The following TATDN2 variants were observed in gnomAD, a reference collection of about 807,000 sequenced individuals.
TATDN2 encodes the protein 3'-5' RNA nuclease TATDN2.
TATDN2 carries 44 observed loss-of-function variants against 60.3 expected under a neutral mutation model. The observed-to-expected ratio is 0.73, with a 90% CI of 0.57 to 0.94. TATDN2 has a LOEUF of 0.94. TATDN2 is among the 40% of genes least tolerant of loss of function. The pLI, the probability that TATDN2 is intolerant of heterozygous loss-of-function variation, is 0.00. For missense variants in TATDN2, 997 were observed against 948.0 expected, an observed-to-expected ratio of 1.05 and a Z score of -0.68; for synonymous variants, 399 against 355.8, an observed-to-expected ratio of 1.12 and a Z score of -1.37.
chr3:10,279,180 C>T (rs1396369613), intron 7 of TATDN2, 41 bp from the exon 8 acceptor site: 3 of 1,095,416 alleles, frequency 2.7e-6, no homozygotes, highest in Non-Finnish European at 2.5e-6. Flanking sequence ...TTTTGAGTGA[C>T]ATGGTTTGGA....
rs550460214 is a variant in TATDN2, at chr3:10,265,622, C to T, written c.949-4509C>T. ...GCGTGAACCTGAGAGGTGGAGCTTG[C>T]AGTGAGCTGAGATTGCACCACTGCA... On this transcript the variant is annotated intron_variant, in intron 3 of 7. Transcript: ENST00000448281. Among the ~76,000 whole-genome samples the T allele has an allele frequency of 1.4e-4, 19 of 138,724 alleles. No individual in the cohort carries two copies. In the East Asian group the frequency reaches 4.1e-3, roughly 30 times the overall value. 91.0% of individuals were successfully genotyped at this position (138,724 alleles called of 152,430 possible).
chr3:10,274,505 C>CT (rs1323984042), intron 4 of TATDN2, among the ~76,000 whole-genome samples: 1 of 152,130 alleles, frequency 6.6e-6, no homozygotes. Context: ...TATCCTAAAG[C>CT]TCTAATAGTT....
chr3:10,279,118 A>C (rs981978011), intron 7 of TATDN2, 55 bp downstream of exon 7: 23 of 1,482,646 alleles, frequency 1.6e-5, no homozygotes, highest in African/African-American at 2.8e-5. Context: ...CTTTTGTTGC[A>C]TTTTGTTAAT....
intron 4 of TATDN2, among the ~76,000 whole-genome samples, chr3:10,274,948 A>G (rs1698613228): frequency 6.6e-6 from 1 of 152,032 alleles, no homozygotes; most frequent in Admixed American, 6.6e-5. Context: ...GAAACTACTC[A>G]TGGAAACATT....
At chr3:10,265,919 A>G (rs917820685) in intron 3 of TATDN2, among the ~76,000 whole-genome samples, 3 of 152,060 alleles carry the variant, frequency 2.0e-5, no homozygotes, top group African/African-American at 7.2e-5. Flanking sequence ...CTTCACCCTC[A>G]CTTTGGAAGT....
rs1217032042 is a variant in TATDN2 at position 10,280,495 on chromosome 3, G to C, written c.*1313G>C. On this transcript the variant is annotated 3_prime_UTR_variant, in exon 8 of 8. Coordinates refer to ENST00000448281, the MANE Select transcript of TATDN2 (RefSeq NM_014760.4). Reference sequence around the variant, plus strand: ...GATCCTTCACCCTGATCTGCAGTGAGGTGGATAGATCACCTGGAGTCCCTC... The same window carrying C: ...GATCCTTCACCCTGATCTGCAGTGACGTGGATAGATCACCTGGAGTCCCTC... 1 of 153,814 alleles carries C rather than the reference G, an allele frequency of 6.5e-6. No homozygotes were observed. The highest frequency in any genetic ancestry group is 1.5e-5 in the Non-Finnish European group (1 of 68,074). 9.5% of individuals were successfully genotyped at this position (153,814 alleles called of 1,614,324 possible).
Position 10,249,516 on chromosome 3 carries a change from A to G in TATDN2, c.316A>G (p.Thr106Ala). Residue 106 changes from threonine to alanine, a missense_variant, in exon 2 of 8, where the codon ACT (threonine) becomes GCT (alanine). Thr to Ala is a moderately conservative substitution (Grantham distance 58). Coordinates refer to ENST00000448281, the MANE Select transcript of TATDN2 (RefSeq NM_014760.4). ...CTCCAAAGGCTGCCTGATTCGGAAC[A>G]CTCGGGGGTTCCTGTCTTCAGGGGG... ...AASKGCLIRN[T>A]RGFLSSGGSP... The G allele has an allele frequency of 1.2e-6, 2 of 1,607,540 alleles. No homozygotes were observed. Among genetic ancestry groups the G allele is most frequent in the South Asian group, 2.2e-5 (2 of 90,390 alleles).
chr3:10,277,323 G>A (rs745781129), intron 5 of TATDN2, among the ~76,000 whole-genome samples: 16 of 151,934 alleles, frequency 1.1e-4, no homozygotes, highest in Non-Finnish European at 2.2e-4. Context: ...CTGGGCTTTG[G>A]CTTGCCTCTG....
chr3:10,257,861 T>TTTTTTTTTTTTTTTTG (rs1698336577), intron 2 of TATDN2, among the ~76,000 whole-genome samples: 1 of 95,854 alleles, frequency 1.0e-5, no homozygotes, highest in Non-Finnish European at 2.0e-5. Flanking sequence ...TTTTTTTTTT[T>TTTTTTTTTTTTTTTTG]TTTTTTTTTT....
chr3:10,279,156 T>C, intron 7 of TATDN2, 65 bp from the exon 8 acceptor site: 1 of 1,245,614 alleles, frequency 8.0e-7, no homozygotes, highest in South Asian at 1.5e-5. Context: ...AGTATGAGCA[T>C]TAAGCCTGAT....
In TATDN2 at chr3:10,280,521, G is replaced by A. The variant is rs1055580500; in HGVS notation, c.*1339G>A. The A allele has an allele frequency of 6.5e-6, 1 of 153,790 alleles. No individual in the cohort carries two copies. The highest frequency in any genetic ancestry group is 1.5e-5 in the Non-Finnish European group (1 of 68,058). The allele number at this position is 153,790 out of a possible 1,614,324, so 9.5% of individuals were successfully genotyped here. A position where few individuals can be genotyped will look rare whatever the true frequency, so the allele number is the denominator to read the frequency against. The stretch of plus-strand genomic sequence containing the variant: ...GTGGATAGATCACCTGGAGTCCCTC[G>A]TCTGTGGTCTTGGAGGCTTAAATTG... On this transcript the variant is annotated 3_prime_UTR_variant, in exon 8 of 8. Coordinates refer to ENST00000448281, the MANE Select transcript of TATDN2 (RefSeq NM_014760.4).
intron 5 of TATDN2, among the ~76,000 whole-genome samples, chr3:10,277,910 A>C (rs903808207): frequency 6.6e-6 from 1 of 152,080 alleles, no homozygotes; most frequent in Non-Finnish European, 1.5e-5. Flanking sequence ...AGTTCATTTG[A>C]CTACTTGGGC....
intron 4 of TATDN2, among the ~76,000 whole-genome samples, chr3:10,275,278 G>C (rs1473706501): frequency 6.6e-6 from 1 of 152,126 alleles, no homozygotes; most frequent in African/African-American, 2.4e-5. Context: ...CACGCCTGGT[G>C]AATTAATACT....
At chr3:10,266,491 T>C (rs908734428) in intron 3 of TATDN2, among the ~76,000 whole-genome samples, 3 of 152,222 alleles carry the variant, frequency 2.0e-5, no homozygotes, top group African/African-American at 7.2e-5. Flanking sequence ...GCCCTGCCAC[T>C]CGAATTAGGA....
At chr3:10,265,524 C>G (rs193279366) in intron 3 of TATDN2, among the ~76,000 whole-genome samples, 3 of 150,760 alleles carry the variant, frequency 2.0e-5, no homozygotes, top group African/African-American at 7.3e-5. Flanking sequence ...TACTAAAAAT[C>G]CAAAAAAATT....
rs2125182943 is a variant in TATDN2 at position 10,279,006 on chromosome 3, G to C, written c.2267G>C (p.Ser756Thr). The change falls in exon 7 of 8, where the codon AGT becomes ACT. Residue 756 changes from serine (S) to threonine (T), a missense_variant. Transcript: ENST00000448281. ...LTLAALRENTSRLYSL is the reference protein window; with the variant it reads ...LTLAALRENTTRLYSL Reference sequence around the variant, plus strand: ...TTGGCTGCCTTGCGTGAGAACACCAGTCGCCTCTACAGTCTTTAAGCAGAG... The same window carrying C: ...TTGGCTGCCTTGCGTGAGAACACCACTCGCCTCTACAGTCTTTAAGCAGAG... 1.2e-6 allele frequency: 2 copies of C among 1,614,252 alleles called. No homozygotes were observed. The highest frequency in any genetic ancestry group is 8.5e-7 in the Non-Finnish European group (1 of 1,180,050).
intron 5 of TATDN2, among the ~76,000 whole-genome samples, chr3:10,276,779 G>A (rs980139035): frequency 3.9e-5 from 6 of 152,148 alleles, no homozygotes; most frequent in Non-Finnish European, 7.4e-5. Flanking sequence ...AGTAGAGACG[G>A]GGTTTTGCCA....
intron 4 of TATDN2, among the ~76,000 whole-genome samples, chr3:10,273,463 G>C (rs958978625): frequency 6.6e-6 from 1 of 151,992 alleles, no homozygotes; most frequent in African/African-American, 2.4e-5. Context: ...GGAAGAAGAA[G>C]AACCTATAGA....
At position 10,260,186 on chromosome 3, in the gene TATDN2, C is replaced by G; in HGVS notation, c.464C>G (p.Ala155Gly). ...AACTCCACAAACTCTGAATTTGCAGCTGAAGCTGAGGGTCAGAATGATACA... is the reference window on the plus strand; with the variant it reads ...AACTCCACAAACTCTGAATTTGCAGGTGAAGCTGAGGGTCAGAATGATACA... ...SHNSTNSEFAAEAEGQNDTIE... is the reference protein window; with the variant it reads ...SHNSTNSEFAGEAEGQNDTIE... Residue 155 changes from alanine (A) to glycine (G), a missense_variant, in exon 3 of 8, where the codon GCT becomes GGT. Physicochemically the swap from Ala to Gly is moderately conservative, Grantham distance 60 (BLOSUM62 0). Transcript: ENST00000448281. 1 of 1,613,802 alleles carries G rather than the reference C, an allele frequency of 6.2e-7. No individual in the cohort carries two copies. Among genetic ancestry groups the G allele is most frequent in the Non-Finnish European group, 8.5e-7 (1 of 1,179,948 alleles).
Sources: allele counts gnomAD v4.1 joint callset (sites outside exome capture counted in the v4.1 genomes callset), GRCh38; gene constraint gnomAD v4.1.1; transcripts MANE v1.5; gene names NCBI Gene and HGNC (gene_info 2026-07-23, HGNC 2026-07-21).